CFAP36: variants seen among roughly 807,000 people sequenced by gnomAD.
CFAP36 encodes the protein cilia- and flagella-associated protein 36.
A neutral mutation model predicts 50.5 loss-of-function variants in CFAP36; 37 were observed. The ratio of observed to expected loss-of-function variants is 0.73; its 90% CI spans 0.56 to 0.96. CFAP36 has a LOEUF of 0.96. Ranked by LOEUF, CFAP36 falls within the 50% of genes least tolerant of loss-of-function variation. The pLI is 0.00. For synonymous variants in CFAP36, 138 were observed against 128.2 expected, an observed-to-expected ratio of 1.08 and a Z score of -0.52; for missense variants, 407 against 396.2, an observed-to-expected ratio of 1.03 and a Z score of -0.23.
At position 55,519,882 on chromosome 2, in the gene CFAP36, C is replaced by T; in HGVS notation, c.81C>T (p.Ile27=). ...AGFLRGPDWS[I]PILDFVEQKC... is the part of the protein sequence containing the mutation. Reference sequence around the variant, plus strand: ...TCCTGCGAGGCCCAGACTGGTCCATCCCCATCTTGGACTTTGTGGAACAGA... The same window carrying T: ...TCCTGCGAGGCCCAGACTGGTCCATTCCCATCTTGGACTTTGTGGAACAGA... The change falls in exon 1 of 10, where the codon ATC becomes ATT. Residue 27 remains isoleucine, a synonymous_variant. Coordinates refer to ENST00000349456, the MANE Select transcript of CFAP36 (RefSeq NM_080667.7). 4 of 1,614,220 alleles carry T rather than the reference C, an allele frequency of 2.5e-6. No homozygotes were observed. The highest frequency in any genetic ancestry group is 3.4e-6 in the Non-Finnish European group (4 of 1,180,020).
chr2:55,525,887 A>C (rs1055996359), intron 3 of CFAP36, among the ~76,000 whole-genome samples: 1 of 152,174 alleles, frequency 6.6e-6, no homozygotes, highest in African/African-American at 2.4e-5. Flanking sequence ...TCGGCCTCCC[A>C]AAGTGCTGGG....
intron 1 of CFAP36, chr2:55,520,281 T>C: frequency 4.6e-6 from 4 of 878,368 alleles, no homozygotes; most frequent in Non-Finnish European, 6.8e-6. Flanking sequence ...GCTGGGCTTC[T>C]TCAACAGCTT....
chr2:55,524,422 A>ATTTTTTT (rs57908457), intron 3 of CFAP36, among the ~76,000 whole-genome samples: 3 of 99,366 alleles, frequency 3.0e-5, no homozygotes, highest in African/African-American at 4.6e-5. Flanking sequence ...CACATGGCTA[A>ATTTTTTT]TTTTTTTTTT....
At chr2:55,522,554 A>T (rs1684099310) in intron 2 of CFAP36, among the ~76,000 whole-genome samples, 1 of 152,142 alleles carries the variant, frequency 6.6e-6, no homozygotes, top group Non-Finnish European at 1.5e-5. Flanking sequence ...GCACTATCAC[A>T]GCCTATTGCA....
chr2:55,522,214 A>G (rs769856649), intron 2 of CFAP36, 48 bp downstream of exon 2: 1 of 921,092 alleles, frequency 1.1e-6, no homozygotes, highest in South Asian at 1.7e-5. Flanking sequence ...GGCTAATACT[A>G]CTTATAGCTT....
intron 7 of CFAP36, among the ~76,000 whole-genome samples, chr2:55,538,054 CA>C (rs1684539182): frequency 2.6e-5 from 4 of 152,142 alleles, no homozygotes; most frequent in Non-Finnish European, 4.4e-5. Context: ...TCTTTGAAAT[CA>C]AAATTTATAG....
chr2:55,525,162 A>G (rs1012584834), intron 3 of CFAP36, among the ~76,000 whole-genome samples: 4 of 152,048 alleles, frequency 2.6e-5, no homozygotes, highest in Non-Finnish European at 5.9e-5. Flanking sequence ...CCTTTTGCTC[A>G]AAAACTGAAG....
chr2:55,540,732 C>T (rs551893093), intron 7 of CFAP36, among the ~76,000 whole-genome samples: 4 of 152,220 alleles, frequency 2.6e-5, no homozygotes, highest in East Asian at 3.9e-4. Flanking sequence ...TGGAATAGGC[C>T]GGGCATGGTG....
intron 7 of CFAP36, among the ~76,000 whole-genome samples, chr2:55,542,600 A>C (rs1156395965): frequency 1.3e-5 from 2 of 152,222 alleles, no homozygotes; most frequent in East Asian, 3.8e-4. Context: ...TTTGGCTTCA[A>C]GTACTTTCCT....
At chr2:55,520,066 A>G in intron 1 of CFAP36, 150 bp downstream of exon 1, 1 of 692,814 alleles carries the variant, frequency 1.4e-6, no homozygotes, top group South Asian at 1.8e-5. Flanking sequence ...CACCTTCTCC[A>G]CCCGCGTCAT....
In CFAP36 at chr2:55,535,424, G is replaced by A. The variant is rs74467430; in HGVS notation, c.486-288G>A. Among the ~76,000 whole-genome samples the A allele has an allele frequency of 5.3e-4, 80 of 152,314 alleles. 1 individual carries two copies. The East Asian group carries it at 9.8e-3, about 19-fold the overall frequency. On this transcript the variant is annotated intron_variant, in intron 5 of 9. Coordinates refer to ENST00000349456, the MANE Select transcript of CFAP36 (RefSeq NM_080667.7). ...AATGGGATTTGCCATTCAAATTTGG[G>A]TTCAGGATTTCAAATCTGTTGATCT... is the stretch of plus-strand genomic sequence containing the variant.
chr2:55,538,795 G>C, intron 7 of CFAP36: 4 of 1,544,846 alleles, frequency 2.6e-6, no homozygotes, highest in Non-Finnish European at 3.5e-6. Flanking sequence ...ACTTGTCCAA[G>C]ATCACCGAAC....
At chr2:55,542,941 T>C (rs1216309238) in intron 7 of CFAP36, among the ~76,000 whole-genome samples, 1 of 152,204 alleles carries the variant, frequency 6.6e-6, no homozygotes, top group Non-Finnish European at 1.5e-5. Context: ...CTGGAGAGCT[T>C]TTCTTCCTTC....
chr2:55,523,732 G>C lies in CFAP36; in HGVS notation c.192G>C (p.Leu64=). ...CTTTGTTTTTTTAGGTTGAAAAGCT[G>C]TTAGAAGGTTACCTCAAAGAAATTG... The part of the protein sequence containing the change: ...HQEYKELVEK[L]LEGYLKEIGI... Residue 64 remains leucine, a synonymous_variant, in exon 3 of 10, where the codon CTG becomes CTC. Transcript: ENST00000349456. 6.2e-7 allele frequency: 1 copy of C among 1,601,980 alleles called. No individual in the cohort carries two copies. Among genetic ancestry groups the C allele is most frequent in the African/African-American group, 1.3e-5 (1 of 74,718 alleles).
chr2:55,543,812 T>A, intron 7 of CFAP36, 126 bp from the exon 8 acceptor site: 1 of 905,926 alleles, frequency 1.1e-6, no homozygotes, highest in East Asian at 2.4e-5. Context: ...ACTGAATATA[T>A]GTTGACTGAA....
intron 3 of CFAP36, among the ~76,000 whole-genome samples, chr2:55,528,399 AT>A (rs895716677): frequency 6.2e-4 from 90 of 144,844 alleles, no homozygotes; most frequent in Non-Finnish European, 6.6e-4. Context: ...CTTTTGAAAA[AT>A]TTTTTTTTTT....
rs1396228033 is a variant in CFAP36, at chr2:55,544,893, TC to T, written c.928-13del. 2 of 1,540,966 alleles carry T rather than the reference TC, an allele frequency of 1.3e-6. No individual in the cohort carries two copies. The highest frequency in any genetic ancestry group is 2.3e-5 in the East Asian group (1 of 44,356). On this transcript the variant is annotated splice_polypyrimidine_tract_variant and intron_variant, in intron 9 of 9. Coordinates refer to ENST00000349456, the MANE Select transcript of CFAP36 (RefSeq NM_080667.7). ...CTATTTCATACTGTAGCCAATTTTT[TC>T]TTTTTTTTTCAGGAAATGACAGAGA...
At chr2:55,521,635 C>CT (rs928512816) in intron 1 of CFAP36, among the ~76,000 whole-genome samples, 112 of 121,630 alleles carry the variant, frequency 9.2e-4, no homozygotes, top group East Asian at 1.7e-3. Flanking sequence ...ATTTTTTTTT[C>CT]TTTTTTTTTT....
At chr2:55,522,249 A>C in intron 2 of CFAP36, 83 bp downstream of exon 2, 4 of 732,084 alleles carry the variant, frequency 5.5e-6, no homozygotes, top group South Asian at 4.3e-5. Context: ...AAATATTTTT[A>C]CATTAAAAAT....
Sources: allele counts gnomAD v4.1 joint callset (sites outside exome capture counted in the v4.1 genomes callset), GRCh38; gene constraint gnomAD v4.1.1; transcripts MANE v1.5; gene names NCBI Gene and HGNC (gene_info 2026-07-23, HGNC 2026-07-21).